KCNMA1: variants seen among roughly 807,000 people sequenced by gnomAD.
KCNMA1 encodes the protein Calcium-activated potassium channel subunit alpha-1.
In KCNMA1, 29 loss-of-function variants were observed where a neutral mutation model predicts 140.0. The ratio of observed to expected loss-of-function variants is 0.21; its 90% confidence interval spans 0.15 to 0.28. The LOEUF is 0.28. KCNMA1 is among the 10% of genes least tolerant of loss of function. The pLI is 1.00. For missense variants in KCNMA1, 880 were observed against 1,602.2 expected, an observed-to-expected ratio of 0.55 and a Z score of 7.70; for synonymous variants, 612 against 611.9, an observed-to-expected ratio of 1.00 and a Z score of 0.00.
In KCNMA1 at chr10:76,914,957, T is replaced by G; in HGVS notation, c.2995A>C (p.Ile999Leu). 1 of 1,612,630 alleles carries G rather than the reference T, an allele frequency of 6.2e-7. No individual in the cohort carries two copies. Among genetic ancestry groups the G allele is most frequent in the Non-Finnish European group, 8.5e-7 (1 of 1,178,762 alleles). The change falls in exon 24 of 28, where the codon ATC (isoleucine) becomes CTC (leucine). Residue 999 changes from isoleucine (I) to leucine (L), a missense_variant. Coordinates refer to ENST00000286628, the MANE Select transcript of KCNMA1 (RefSeq NM_001161352.2). Reference sequence around the variant, plus strand: ...CTACCTAGTTCAGTGATGATGGGGATGTTGACCCCAGTTGTGATGGATGGT... The same window carrying G: ...CTACCTAGTTCAGTGATGATGGGGAGGTTGACCCCAGTTGTGATGGATGGT... ...RQPSITTGVN[I>L]PIITELVNDT...
chr10:77,330,504 A>T (rs1406556483), intron 2 of KCNMA1, among the ~76,000 whole-genome samples: 1 of 152,206 alleles, frequency 6.6e-6, no homozygotes, highest in East Asian at 1.9e-4. Flanking sequence ...GTCAGGATGA[A>T]ATACAAACAA....
chr10:77,305,443 T>C (rs1027289789), intron 2 of KCNMA1, among the ~76,000 whole-genome samples: 1 of 152,076 alleles, frequency 6.6e-6, no homozygotes, highest in African/African-American at 2.4e-5. Context: ...ACAATGAAAA[T>C]TGGCTCTAGA....
intron 1 of KCNMA1, chr10:77,433,477 ACATATT>A (rs2097193248): frequency 6.6e-6 from 1 of 152,224 alleles, no homozygotes; most frequent in African/African-American, 2.4e-5. Context: ...TTCTTAAGCC[ACATATT>A]CATGTTTTAT....
chr10:77,499,477 A>G (rs2043110008), intron 1 of KCNMA1, among the ~76,000 whole-genome samples: 1 of 151,782 alleles, frequency 6.6e-6, no homozygotes, highest in Non-Finnish European at 1.5e-5. Flanking sequence ...ACACATACAT[A>G]CATATATTTT....
chr10:76,974,505 G>A (rs1010513709), intron 19 of KCNMA1: 8 of 1,548,482 alleles, frequency 5.2e-6, no homozygotes, highest in South Asian at 2.4e-5. Flanking sequence ...GTCACAAGCC[G>A]AGAATTGGGA....
chr10:77,282,584 T>C (rs2069046947), intron 2 of KCNMA1, among the ~76,000 whole-genome samples: 1 of 152,316 alleles, frequency 6.6e-6, no homozygotes, highest in East Asian at 1.9e-4. Context: ...CTTTGTTGAC[T>C]AGGTGACATC....
chr10:77,199,695 G>A (rs781126669), intron 3 of KCNMA1, among the ~76,000 whole-genome samples: 2 of 152,178 alleles, frequency 1.3e-5, no homozygotes, highest in Non-Finnish European at 2.9e-5. Context: ...GTGAGGATTA[G>A]AAACTCATCA....
chr10:77,139,886 G>A (rs544950812), intron 5 of KCNMA1, among the ~76,000 whole-genome samples: 13 of 151,712 alleles, frequency 8.6e-5, no homozygotes, highest in Non-Finnish European at 1.6e-4. Flanking sequence ...GCCACAACTC[G>A]CACTGTAGCC....
intron 2 of KCNMA1, among the ~76,000 whole-genome samples, chr10:77,322,627 G>A (rs1176884583): frequency 1.3e-5 from 2 of 152,168 alleles, no homozygotes; most frequent in Admixed American, 1.3e-4. Flanking sequence ...CTTAGAAACA[G>A]AATGAAAGTT....
chr10:77,491,959 T>C (rs2040089242), intron 1 of KCNMA1, among the ~76,000 whole-genome samples: 1 of 152,138 alleles, frequency 6.6e-6, no homozygotes, highest in Non-Finnish European at 1.5e-5. Flanking sequence ...AGCAGCCCCT[T>C]GGGATGTCCC....
Position 76,891,725 on chromosome 10 carries a change from G to A in KCNMA1, c.3148-6C>T, listed in dbSNP as rs201087232. On this transcript the variant is annotated splice_region_variant and splice_polypyrimidine_tract_variant and intron_variant, in intron 25 of 27. Coordinates refer to ENST00000286628, the MANE Select transcript of KCNMA1 (RefSeq NM_001161352.2). ...ATATTGTCATTGAAGTACGTCTGGG[G>A]AAGGAGAGAAAGTGAGGGAAAAGTC... The A allele has an allele frequency of 6.8e-6, 11 of 1,612,826 alleles. No individual in the cohort carries two copies. The Middle Eastern group carries it at 4.9e-4, about 73-fold the overall frequency.
At chr10:76,916,420 A>G (rs2052937736) in intron 23 of KCNMA1, among the ~76,000 whole-genome samples, 2 of 152,232 alleles carry the variant, frequency 1.3e-5, no homozygotes, top group Non-Finnish European at 2.9e-5. Context: ...AAGGTTTTGC[A>G]TGGACACATA....
At chr10:76,894,807 A>G (rs1025947228) in intron 25 of KCNMA1, among the ~76,000 whole-genome samples, 1 of 152,216 alleles carries the variant, frequency 6.6e-6, no homozygotes, top group Admixed American at 6.5e-5. Flanking sequence ...AATAAAAAAG[A>G]CTGATGATAA....
chr10:77,572,161 G>A (rs2719981), intron 1 of KCNMA1, among the ~76,000 whole-genome samples: 138,603 of 152,140 alleles, frequency 0.91, 63,276 homozygotes, highest in Middle Eastern at 0.97. Context: ...GTCATTCTTC[G>A]TCACAGGATG....
In KCNMA1 at chr10:77,637,654, G is replaced by C; in HGVS notation, c.-12C>G. 6.7e-7 allele frequency: 1 copy of C among 1,499,948 alleles called. No homozygotes were observed. The highest frequency in any genetic ancestry group is 8.8e-7 in the Non-Finnish European group (1 of 1,131,286). The allele number at this position is 1,499,948 out of a possible 1,614,324, so 92.9% of individuals were successfully genotyped here. A position where few individuals can be genotyped will look rare whatever the true frequency, so the allele number is the denominator to read the frequency against. On this transcript the variant is annotated 5_prime_UTR_variant, in exon 1 of 28. Transcript: ENST00000286628. Reference sequence around the variant, plus strand: ...CCACCATTTGCCATAGCTAGCAACGGGCAGCCGGCGCAGGGGCTCGGGGGA... The same window carrying C: ...CCACCATTTGCCATAGCTAGCAACGCGCAGCCGGCGCAGGGGCTCGGGGGA...
intron 23 of KCNMA1, among the ~76,000 whole-genome samples, chr10:76,944,351 C>T (rs1166370374): frequency 2.6e-5 from 4 of 152,206 alleles, no homozygotes; most frequent in Admixed American, 2.0e-4. Context: ...TCAGCAGAGT[C>T]CTAGAGGCGG....
At chr10:77,097,861 A>T (rs1191842351) in intron 9 of KCNMA1, among the ~76,000 whole-genome samples, 1 of 152,078 alleles carries the variant, frequency 6.6e-6, no homozygotes, top group Admixed American at 6.5e-5. Context: ...GCTGTTCTGG[A>T]TGTGGCAGGC....
At chr10:77,451,085 T>C (rs1603623612) in intron 1 of KCNMA1, among the ~76,000 whole-genome samples, 1 of 152,252 alleles carries the variant, frequency 6.6e-6, no homozygotes, top group East Asian at 1.9e-4. Flanking sequence ...CCTCTTTCCT[T>C]TGGAAACTAC....
chr10:76,956,552 T>C (rs2068392626), intron 20 of KCNMA1, among the ~76,000 whole-genome samples: 1 of 152,192 alleles, frequency 6.6e-6, no homozygotes, highest in Non-Finnish European at 1.5e-5. Context: ...TTTGGTTTAT[T>C]GAATCAGTAA....
Sources: allele counts gnomAD v4.1 joint callset (sites outside exome capture counted in the v4.1 genomes callset), GRCh38; gene constraint gnomAD v4.1.1; transcripts MANE v1.5; gene names NCBI Gene and HGNC (gene_info 2026-07-23, HGNC 2026-07-21).